The following RELN variants were observed in gnomAD, a reference collection of about 807,000 sequenced individuals.
RELN encodes reelin.
A neutral mutation model predicts 427.6 loss-of-function variants in RELN; 108 were observed. That is an observed-to-expected ratio of 0.25 (90% CI 0.22 to 0.30). The LOEUF (loss-of-function observed/expected upper bound fraction) is 0.30. Ranked by LOEUF, RELN falls within the 10% of genes least tolerant of loss-of-function variation. The pLI is 1.00. For missense variants in RELN, 3,715 were observed against 4,302.8 expected, an observed-to-expected ratio of 0.86 and a Z score of 3.82; for synonymous variants, 1,524 against 1,513.4, an observed-to-expected ratio of 1.01 and a Z score of -0.16.
chr7:103,689,315 T>A (rs148443775), intron 10 of RELN, among the ~76,000 whole-genome samples: 1 of 151,622 alleles, frequency 6.6e-6, no homozygotes, highest in Non-Finnish European at 1.5e-5. Flanking sequence ...TTCTTAAAAA[T>A]AAAAAAAATG....
At chr7:103,871,954 G>A (rs17133142) in intron 2 of RELN, among the ~76,000 whole-genome samples, 17,107 of 150,528 alleles carry the variant, frequency 0.11, 1,045 homozygotes, top group Non-Finnish European at 0.13. Context: ...AAACCAATGA[G>A]ATATAATGCT....
intron 10 of RELN, among the ~76,000 whole-genome samples, chr7:103,686,612 G>A (rs1833769568): frequency 6.6e-6 from 1 of 152,084 alleles, no homozygotes; most frequent in South Asian, 2.1e-4. Flanking sequence ...TGTCTGGCTG[G>A]AAATAAAATA....
chr7:103,514,397 C>T (rs761481000), intron 50 of RELN, among the ~76,000 whole-genome samples: 95 of 152,210 alleles, frequency 6.2e-4, no homozygotes, highest in Non-Finnish European at 8.5e-4. Flanking sequence ...TGGTGGCTCA[C>T]GCCTGTAATC....
intron 28 of RELN, among the ~76,000 whole-genome samples, chr7:103,576,755 C>T (rs1433570382): frequency 2.0e-5 from 3 of 152,162 alleles, no homozygotes; most frequent in African/African-American, 4.8e-5. Flanking sequence ...ATCACAAACA[C>T]CAGTTTTAAC....
chr7:103,625,001 T>C (rs920942272), intron 20 of RELN, among the ~76,000 whole-genome samples: 1 of 152,252 alleles, frequency 6.6e-6, no homozygotes, highest in Non-Finnish European at 1.5e-5. Flanking sequence ...CTTTTAGTTA[T>C]ATCTGCTGTT....
intron 44 of RELN, among the ~76,000 whole-genome samples, chr7:103,539,715 G>A (rs1245665253): frequency 2.6e-5 from 4 of 152,098 alleles, no homozygotes; most frequent in African/African-American, 7.2e-5. Context: ...TGAACTCTAC[G>A]GTTTGTTAAC....
intron 5 of RELN, among the ~76,000 whole-genome samples, chr7:103,751,906 C>G (rs1191471956): frequency 6.6e-6 from 1 of 152,194 alleles, no homozygotes; most frequent in African/African-American, 2.4e-5. Context: ...AGGCTGCAAC[C>G]AGCTAGGATG....
chr7:103,757,524 T>A (rs182519899), intron 4 of RELN, among the ~76,000 whole-genome samples: 1 of 152,170 alleles, frequency 6.6e-6, no homozygotes. Context: ...GACATAAAAT[T>A]GTCAAATGGC....
chr7:103,753,279 G>T, intron 4 of RELN, 65 bp from the exon 5 acceptor site: 2 of 1,524,034 alleles, frequency 1.3e-6, no homozygotes, highest in Non-Finnish European at 1.8e-6. Context: ...CAGTAATAAA[G>T]AGTCACAACA....
chr7:103,673,458 T>C (rs904002135), intron 11 of RELN, among the ~76,000 whole-genome samples: 3 of 152,158 alleles, frequency 2.0e-5, no homozygotes, highest in African/African-American at 7.2e-5. Flanking sequence ...TGCAATCTTC[T>C]GCGTTTTAAT....
At chr7:103,614,466 C>T (rs867980856) in intron 20 of RELN, among the ~76,000 whole-genome samples, 7 of 152,206 alleles carry the variant, frequency 4.6e-5, no homozygotes, top group South Asian at 4.1e-4. Context: ...GAATTGGCTG[C>T]CATATCCTTT....
intron 1 of RELN, among the ~76,000 whole-genome samples, chr7:103,929,616 C>G (rs73715906): frequency 0.1 from 15,448 of 152,104 alleles, 1,505 homozygotes; most frequent in East Asian, 0.26. Context: ...TGGCCAACAG[C>G]AATATAACTA....
At position 103,594,569 on chromosome 7, in the gene RELN, G is replaced by T. The variant is rs560949096; in HGVS notation, c.3540-77C>A. ...TTTTTTCAGCTATTAAAACAACAAG[G>T]GTAACAACAAGAGAAAAGTTTTGTT... On this transcript the variant is annotated intron_variant, in intron 25 of 64. Coordinates refer to ENST00000428762, the MANE Select transcript of RELN (RefSeq NM_005045.4). The T allele has an allele frequency of 5.9e-5, 85 of 1,449,736 alleles. No homozygotes were observed. In the South Asian group the frequency reaches 9.6e-4, roughly 16 times the overall value. The allele number at this position is 1,449,736 out of a possible 1,614,324, so 89.8% of individuals were successfully genotyped here.
intron 10 of RELN, among the ~76,000 whole-genome samples, chr7:103,685,147 G>T (rs1833738465): frequency 6.6e-6 from 1 of 152,134 alleles, no homozygotes; most frequent in Non-Finnish European, 1.5e-5. Flanking sequence ...TTACAGGTAA[G>T]TTTGCATTGT....
rs534550697 is a variant in RELN at position 103,567,622 on chromosome 7, A to AG, written c.4589-864dup. 2.4e-4 allele frequency among the ~76,000 whole-genome samples: 37 copies of AG among 152,062 alleles called. No homozygotes were observed. In the East Asian group the frequency reaches 5.4e-3, roughly 22 times the overall value. On this transcript the variant is annotated intron_variant, in intron 31 of 64. Coordinates refer to ENST00000428762, the MANE Select transcript of RELN (RefSeq NM_005045.4). ...CAGCCTTTATACCCGCTTCTTTGGT[A>AG]GGGGGGGTAGAGTGGTAGAGGGTAT...
At chr7:103,612,119 TTTTAAA>T (rs1831973904) in intron 20 of RELN, among the ~76,000 whole-genome samples, 2 of 152,122 alleles carry the variant, frequency 1.3e-5, no homozygotes, top group Non-Finnish European at 2.9e-5. Flanking sequence ...GAGAAAATAA[TTTTAAA>T]TTTAGAGACA....
chr7:103,525,275 T>C (rs1337251682), intron 46 of RELN, among the ~76,000 whole-genome samples: 1 of 152,242 alleles, frequency 6.6e-6, no homozygotes, highest in African/African-American at 2.4e-5. Context: ...TAGCAAACTA[T>C]TGTTTTCCTC....
At chr7:103,528,412 T>C (rs1251554931) in intron 46 of RELN, among the ~76,000 whole-genome samples, 1 of 151,640 alleles carries the variant, frequency 6.6e-6, no homozygotes, top group East Asian at 1.9e-4. Context: ...TGCTAATAAG[T>C]ATAGGATTTC....
rs1411528668 is a variant in RELN at position 103,702,155 on chromosome 7, A to T, written c.806-1149T>A. Among the ~76,000 whole-genome samples, 3 of 152,240 alleles carry T rather than the reference A, an allele frequency of 2.0e-5. No homozygotes were observed. In the East Asian group the frequency reaches 5.8e-4, roughly 29 times the overall value. ...CTGATCTCAAATGGAAACCCACCTTATGCTACTTTAATTGTTGCTAAAACT... is the reference window on the plus strand; with the variant it reads ...CTGATCTCAAATGGAAACCCACCTTTTGCTACTTTAATTGTTGCTAAAACT... On this transcript the variant is annotated intron_variant, in intron 8 of 64. Transcript: ENST00000428762.
Sources: allele counts gnomAD v4.1 joint callset (sites outside exome capture counted in the v4.1 genomes callset), GRCh38; gene constraint gnomAD v4.1.1; transcripts MANE v1.5; gene names NCBI Gene and HGNC (gene_info 2026-07-23, HGNC 2026-07-21).